Variants in CBLB observed in about 807,000 individuals in gnomAD.
CBLB encodes the protein Cbl proto-oncogene B.
In CBLB, 31 loss-of-function variants were observed where a neutral mutation model predicts 104.9. The ratio of observed to expected loss-of-function variants is 0.30; its 90% CI spans 0.22 to 0.40. The LOEUF (loss-of-function observed/expected upper bound fraction) is 0.40, where lower values mean the gene tolerates loss of function less well. Ranked by LOEUF, CBLB falls within the 10% of genes least tolerant of loss-of-function variation. The pLI, the probability that CBLB is intolerant of heterozygous loss-of-function variation, is 1.00. For synonymous variants in CBLB, 440 were observed against 422.6 expected (o/e 1.04, Z -0.51); for missense variants, 1,062 against 1,214.6 (o/e 0.87, Z 1.87).
intron 10 of CBLB, among the ~76,000 whole-genome samples, chr3:105,712,407 G>A (rs1288023340): frequency 4.6e-5 from 7 of 152,110 alleles, no homozygotes; most frequent in Non-Finnish European, 8.8e-5. Context: ...AGGCAGGGAA[G>A]GGTGACATAT....
intron 17 of CBLB, chr3:105,672,954 T>G (rs1347679433): frequency 6.6e-6 from 1 of 151,864 alleles, no homozygotes; most frequent in Non-Finnish European, 1.5e-5. Flanking sequence ...GAAATAAATT[T>G]TACATAAATG....
At chr3:105,851,635 A>G (rs1211397406) in intron 3 of CBLB, among the ~76,000 whole-genome samples, 4 of 152,184 alleles carry the variant, frequency 2.6e-5, no homozygotes, top group Non-Finnish European at 5.9e-5. Context: ...ATTTATGGGA[A>G]CTGTAATTTC....
chr3:105,787,945 A>G (rs1157427918), intron 3 of CBLB, among the ~76,000 whole-genome samples: 1 of 152,232 alleles, frequency 6.6e-6, no homozygotes, highest in Non-Finnish European at 1.5e-5. Flanking sequence ...AATGAATAGT[A>G]AACACTAGAA....
Position 105,658,953 on chromosome 3 carries a change from G to GTC in CBLB, c.*15_*16dup, listed in dbSNP as rs1268112489. The GTC allele has an allele frequency of 6.2e-7, 1 of 1,612,916 alleles. No homozygotes were observed. Among genetic ancestry groups the GTC allele is most frequent in the Non-Finnish European group, 8.5e-7 (1 of 1,179,162 alleles). ...TACATCGATTGCTTTCCATTTTGGT[G>GTC]TCTACAGTTCTGGCTGCTATAGATT... is the stretch of plus-strand genomic sequence containing the variant. On this transcript the variant is annotated 3_prime_UTR_variant, in exon 19 of 19. Coordinates refer to ENST00000394030, the MANE Select transcript of CBLB (RefSeq NM_170662.5).
intron 9 of CBLB, among the ~76,000 whole-genome samples, chr3:105,726,284 T>G (rs1373878450): frequency 6.6e-6 from 1 of 152,252 alleles, no homozygotes; most frequent in African/African-American, 2.4e-5. Context: ...TATTCCACAT[T>G]AAAATCAGAG....
chr3:105,866,345 C>T (rs917177795), intron 2 of CBLB, among the ~76,000 whole-genome samples: 6 of 152,130 alleles, frequency 3.9e-5, no homozygotes, highest in African/African-American at 1.4e-4. Flanking sequence ...CAAATCAAAG[C>T]AAAGATGAAT....
At chr3:105,689,834 T>C (rs1216783933) in intron 13 of CBLB, among the ~76,000 whole-genome samples, 2 of 152,024 alleles carry the variant, frequency 1.3e-5, no homozygotes, top group Non-Finnish European at 2.9e-5. Context: ...TATAGCTAAG[T>C]GTCAAAGATG....
intron 18 of CBLB, among the ~76,000 whole-genome samples, chr3:105,660,945 C>T (rs1035206179): frequency 6.7e-6 from 1 of 149,554 alleles, no homozygotes; most frequent in Non-Finnish European, 1.5e-5. Context: ...TTTGTTTCCA[C>T]ATCAAATAGG....
chr3:105,804,283 G>A (rs1490338936), intron 3 of CBLB, among the ~76,000 whole-genome samples: 2 of 151,012 alleles, frequency 1.3e-5, no homozygotes, highest in Non-Finnish European at 2.9e-5. Context: ...CACTTTGGGA[G>A]GCTGAGGCGG....
chr3:105,747,468 A>T (rs952098448), intron 5 of CBLB, among the ~76,000 whole-genome samples: 1 of 152,176 alleles, frequency 6.6e-6, no homozygotes, highest in African/African-American at 2.4e-5. Flanking sequence ...AGTAATAATG[A>T]AGTTTTTTAG....
At chr3:105,868,114 C>T in intron 1 of CBLB, 2 of 701,238 alleles carry the variant, frequency 2.9e-6, no homozygotes, top group Non-Finnish European at 4.0e-6. Flanking sequence ...CTGTTGTCAA[C>T]AAAAGCGCAG....
At chr3:105,660,100 C>A (rs753774378) in intron 18 of CBLB, among the ~76,000 whole-genome samples, 2 of 152,194 alleles carry the variant, frequency 1.3e-5, no homozygotes, top group Non-Finnish European at 2.9e-5. Flanking sequence ...GGCTAGCTAA[C>A]TTGACAGGGC....
At chr3:105,701,739 G>A (rs1335252975) in intron 12 of CBLB, among the ~76,000 whole-genome samples, 1 of 150,080 alleles carries the variant, frequency 6.7e-6, no homozygotes, top group Non-Finnish European at 1.5e-5. Flanking sequence ...CTCCAGCCTG[G>A]GGGGCAAGAG....
At chr3:105,812,263 T>C (rs1282295297) in intron 3 of CBLB, among the ~76,000 whole-genome samples, 1 of 152,172 alleles carries the variant, frequency 6.6e-6, no homozygotes, top group Non-Finnish European at 1.5e-5. Flanking sequence ...TAAACACTCA[T>C]CCAACAAATA....
chr3:105,829,514 C>A (rs1028706804), intron 3 of CBLB, among the ~76,000 whole-genome samples: 1 of 151,658 alleles, frequency 6.6e-6, no homozygotes, highest in Non-Finnish European at 1.5e-5. Context: ...TAAAAATCAG[C>A]CAGGCATAGT....
chr3:105,830,712 C>T (rs2087368559), intron 3 of CBLB, among the ~76,000 whole-genome samples: 1 of 152,088 alleles, frequency 6.6e-6, no homozygotes, highest in Non-Finnish European at 1.5e-5. Context: ...AGACACATGC[C>T]ATGTAATGGA....
chr3:105,800,382 A>G (rs1184199884), intron 3 of CBLB, among the ~76,000 whole-genome samples: 4 of 152,142 alleles, frequency 2.6e-5, no homozygotes, highest in Non-Finnish European at 5.9e-5. Flanking sequence ...ACGAATCCCA[A>G]GGTGAGCTGC....
rs1384626008 is a variant in CBLB, at chr3:105,703,993, G to A, written c.1588C>T (p.Pro530Ser). The A allele has an allele frequency of 6.2e-7, 1 of 1,613,688 alleles. No homozygotes were observed. The highest frequency in any genetic ancestry group is 8.5e-7 in the Non-Finnish European group (1 of 1,179,776). ...TTCTAATAAAATTGATCTACCTTTGGTGAACCCGTTGGGCTGCCACAGGGA... is the reference window on the plus strand; with the variant it reads ...TTCTAATAAAATTGATCTACCTTTGATGAACCCGTTGGGCTGCCACAGGGA... Reference protein sequence around the residue: ...RSPCGSPTGSPKSSPCMVRKQ... With the variant: ...RSPCGSPTGSSKSSPCMVRKQ... The change falls in exon 11 of 19, where the codon CCA becomes TCA. Residue 530 changes from proline (P) to serine (S), a missense_variant. By Grantham distance (74) the Pro-to-Ser change is moderately conservative. This residue lies in a region of CBLB where 605 missense variants were observed against 582.6 expected (regional missense o/e 1.04). Transcript: ENST00000394030.
chr3:105,814,824 G>A (rs575084976), intron 3 of CBLB, among the ~76,000 whole-genome samples: 42 of 152,054 alleles, frequency 2.8e-4, no homozygotes, highest in African/African-American at 9.9e-4. Flanking sequence ...CATGTCCAAT[G>A]AATATGAGAA....
Sources: gnomAD v4.1 joint callset for allele counts (sites outside exome capture counted in the v4.1 genomes callset) on GRCh38, gnomAD v4.1.1 for gene constraint, gnomAD v4.1.1 regional missense constraint, MANE v1.5 for transcripts, NCBI Gene and HGNC (gene_info 2026-07-23, HGNC 2026-07-21) for gene names.